FRMPD2: variants seen among roughly 807,000 people sequenced by gnomAD.
The protein encoded by FRMPD2 is FERM and PDZ domain-containing protein 2.
Under a neutral mutation model 140.1 loss-of-function variants are expected in FRMPD2, and 96 were observed. The ratio of observed to expected loss-of-function variants is 0.69; its 90% CI spans 0.58 to 0.81. The LOEUF (loss-of-function observed/expected upper bound fraction) is 0.81, where lower values mean the gene tolerates loss of function less well. FRMPD2 is among the 40% of genes least tolerant of loss of function. The probability of loss-of-function intolerance (pLI) is 0.00; values close to 1 mark genes in which losing one functional copy is unlikely to be tolerated. For missense variants in FRMPD2, 1,240 were observed against 1,447.4 expected (o/e 0.86, Z 2.32); for synonymous variants, 449 against 547.6 (o/e 0.82, Z 2.52).
chr10:48,272,591 T>C (rs1438930310), intron 1 of FRMPD2, among the ~76,000 whole-genome samples: 1 of 152,198 alleles, frequency 6.6e-6, no homozygotes, highest in Admixed American at 6.5e-5. Flanking sequence ...TGGGAGCTTG[T>C]GATTGGCCAT....
chr10:48,245,388 G>C (rs1392924179), intron 3 of FRMPD2, among the ~76,000 whole-genome samples: 1 of 152,160 alleles, frequency 6.6e-6, no homozygotes, highest in Non-Finnish European at 1.5e-5. Flanking sequence ...TAGGCCTTCT[G>C]TTTCCATGAC....
chr10:48,194,652 T>C lies in FRMPD2; in HGVS notation c.1955-1758A>G, dbSNP rs916643169. Among the ~76,000 whole-genome samples the C allele has an allele frequency of 5.9e-5, 9 of 152,100 alleles. No individual in the cohort carries two copies. The East Asian group carries it at 1.5e-3, about 26-fold the overall frequency. On this transcript the variant is annotated intron_variant, in intron 15 of 28. Transcript: ENST00000374201. ...AGAGAGAGCTCAAGGGCCTGTGAGA[T>C]GCTGGAGAGTGCCTGGAGCCTGAGG... is the stretch of plus-strand genomic sequence containing the variant.
intron 3 of FRMPD2, 100 bp downstream of exon 3, chr10:48,248,921 A>T: frequency 9.1e-7 from 1 of 1,094,762 alleles, no homozygotes; most frequent in East Asian, 2.6e-5. Flanking sequence ...TTGAGAACCA[A>T]GCTCTGCAAG....
At chr10:48,221,223 A>T (rs1214427823) in intron 12 of FRMPD2, among the ~76,000 whole-genome samples, 1 of 152,230 alleles carries the variant, frequency 6.6e-6, no homozygotes, top group East Asian at 1.9e-4. Context: ...GTATATGTAT[A>T]TATATACCAC....
At chr10:48,183,850 T>TAAAAAAAAAAAAAA (rs1564417711) in intron 20 of FRMPD2, among the ~76,000 whole-genome samples, 2 of 25,536 alleles carry the variant, frequency 7.8e-5, no homozygotes, top group Non-Finnish European at 1.8e-4. Flanking sequence ...AGACTCCATC[T>TAAAAAAAAAAAAAA]CAAAAAAAAA....
intron 7 of FRMPD2, 40 bp from the exon 8 acceptor site, chr10:48,238,163 G>T: frequency 3.1e-6 from 5 of 1,592,668 alleles, no homozygotes; most frequent in Non-Finnish European, 4.3e-6. Flanking sequence ...CTTAGCAATG[G>T]CAAGGGCTTC....
chr10:48,243,752 G>A (rs1479953847), intron 4 of FRMPD2, among the ~76,000 whole-genome samples: 1 of 152,154 alleles, frequency 6.6e-6, no homozygotes, highest in Non-Finnish European at 1.5e-5. Context: ...GACCACCCAG[G>A]AAGAGCCCGG....
chr10:48,194,611 C>T (rs1214792696), intron 15 of FRMPD2, among the ~76,000 whole-genome samples: 1 of 152,130 alleles, frequency 6.6e-6, no homozygotes, highest in Non-Finnish European at 1.5e-5. Flanking sequence ...AGGGGACTCA[C>T]AAAAGTTAGC....
At chr10:48,228,780 T>C (rs1384663516) in intron 10 of FRMPD2, among the ~76,000 whole-genome samples, 1 of 152,032 alleles carries the variant, frequency 6.6e-6, no homozygotes, top group African/African-American at 2.4e-5. Flanking sequence ...TATGAGAATG[T>C]GTTTTTATTT....
chr10:48,164,990 C>A (rs1445623911), intron 27 of FRMPD2, among the ~76,000 whole-genome samples: 4 of 105,952 alleles, frequency 3.8e-5, no homozygotes, highest in Non-Finnish European at 5.7e-5. Flanking sequence ...TGAGCTCCCA[C>A]CTCCTTGCCC....
rs928990005 is a variant in FRMPD2, at chr10:48,263,030, C to T, written c.26-11339G>A. Reference sequence around the variant, plus strand: ...AGAAGGATAGCCAGAATATCCTCAACTATTTGGAGATTAAACAACACACTT... The same window carrying T: ...AGAAGGATAGCCAGAATATCCTCAATTATTTGGAGATTAAACAACACACTT... On this transcript the variant is annotated intron_variant, in intron 1 of 28. Transcript: ENST00000374201. 2.6e-5 allele frequency among the ~76,000 whole-genome samples: 4 copies of T among 152,196 alleles called. No homozygotes were observed. The South Asian group carries it at 6.2e-4, about 24-fold the overall frequency.
intron 1 of FRMPD2, 25 bp from the exon 2 acceptor site, chr10:48,251,716 A>C: frequency 6.2e-7 from 1 of 1,613,542 alleles, no homozygotes; most frequent in Non-Finnish European, 8.5e-7. Context: ...TGCATGTGAC[A>C]GGGCCTCTGC....
At chr10:48,183,259 C>A (rs1382275450) in intron 20 of FRMPD2, among the ~76,000 whole-genome samples, 3 of 152,156 alleles carry the variant, frequency 2.0e-5, no homozygotes, top group African/African-American at 7.2e-5. Flanking sequence ...AAGAAGCAAT[C>A]ATGAGCCTGA....
intron 28 of FRMPD2, among the ~76,000 whole-genome samples, chr10:48,160,273 G>A (rs1436083146): frequency 6.6e-6 from 1 of 151,666 alleles, no homozygotes; most frequent in East Asian, 1.9e-4. Flanking sequence ...TAGAGTGTGA[G>A]AAAAGAGAAC....
In FRMPD2 at chr10:48,223,247, T is replaced by A; in HGVS notation, c.1192A>T (p.Ser398Cys). 6.2e-7 allele frequency: 1 copy of A among 1,613,486 alleles called. No homozygotes were observed. Among genetic ancestry groups the A allele is most frequent in the East Asian group, 2.2e-5 (1 of 44,874 alleles). ...MKSKEFFFLD[S>C]ETRLCKIAPE... ...GCTATTTTGCACAATCTGGTTTCAC[T>A]GTCCAGGAAAAAGAACTCTTTGCCT... Residue 398 changes from serine to cysteine, a missense_variant, in exon 11 of 29, where the codon AGT becomes TGT. Ser to Cys is a moderately radical substitution (Grantham distance 112). Coordinates refer to ENST00000374201, the MANE Select transcript of FRMPD2 (RefSeq NM_001018071.4).
chr10:48,179,748 A>G (rs1408277874), intron 21 of FRMPD2, among the ~76,000 whole-genome samples: 4 of 152,116 alleles, frequency 2.6e-5, no homozygotes, highest in African/African-American at 9.7e-5. Flanking sequence ...GGCTGTGGAC[A>G]GACATCATTA....
chr10:48,186,845 T>C (rs1838701603), intron 17 of FRMPD2, among the ~76,000 whole-genome samples: 1 of 152,132 alleles, frequency 6.6e-6, no homozygotes, highest in Non-Finnish European at 1.5e-5. Flanking sequence ...ACTCTGTGTA[T>C]GTTTTCTGGT....
At chr10:48,164,056 C>G (rs577144969) in intron 27 of FRMPD2, among the ~76,000 whole-genome samples, 1 of 150,676 alleles carries the variant, frequency 6.6e-6, no homozygotes, top group Non-Finnish European at 1.5e-5. Context: ...CTGTCTCCAC[C>G]CCCATCAAGG....
intron 21 of FRMPD2, among the ~76,000 whole-genome samples, chr10:48,179,495 G>A (rs1430013937): frequency 1.3e-5 from 2 of 151,238 alleles, no homozygotes; most frequent in Non-Finnish European, 2.9e-5. Flanking sequence ...CCTGCTTTTT[G>A]TCTTATCTCA....
Sources: gnomAD v4.1 joint callset for allele counts (sites outside exome capture counted in the v4.1 genomes callset) on GRCh38, gnomAD v4.1.1 for gene constraint, MANE v1.5 for transcripts, NCBI Gene and HGNC (gene_info 2026-07-23, HGNC 2026-07-21) for gene names.